Variants in SPATA21 observed in about 807,000 individuals in gnomAD.
SPATA21 encodes spermatogenesis-associated protein 21.
Under a neutral mutation model 54.8 loss-of-function variants are expected in SPATA21, and 47 were observed. That is an observed-to-expected ratio of 0.86 (90% CI 0.68 to 1.09). The LOEUF is 1.09. Ranked by LOEUF, SPATA21 falls within the 50% of genes least tolerant of loss-of-function variation. SPATA21 has a pLI of 0.00. For missense variants in SPATA21, 599 were observed against 596.4 expected, an observed-to-expected ratio of 1.00 and a Z score of -0.05; for synonymous variants, 245 against 235.3, an observed-to-expected ratio of 1.04 and a Z score of -0.38.
intron 5 of SPATA21, among the ~76,000 whole-genome samples, chr1:16,417,695 AAAGTGCTGGGAT>A (rs1484976126): frequency 1.3e-5 from 2 of 151,944 alleles, no homozygotes; most frequent in Non-Finnish European, 2.9e-5. Context: ...TCGGCCTCCC[AAAGTGCTGGGAT>A]TACAGGCATG....
chr1:16,424,124 C>T (rs1474045116), intron 3 of SPATA21, among the ~76,000 whole-genome samples: 1 of 149,766 alleles, frequency 6.7e-6, no homozygotes, highest in Admixed American at 6.8e-5. Flanking sequence ...CAAGTGAATG[C>T]CAATTATACC....
At chr1:16,423,802 C>G (rs1341653509) in intron 3 of SPATA21, among the ~76,000 whole-genome samples, 5 of 152,078 alleles carry the variant, frequency 3.3e-5, no homozygotes, top group Admixed American at 2.0e-4. Flanking sequence ...CCTCAGCCTC[C>G]CAGAGTGCTG....
rs757719873 is a variant in SPATA21 at position 16,403,778 on chromosome 1, A to T, written c.950T>A (p.Leu317Gln). Residue 317 changes from leucine (L) to glutamine (Q), a missense_variant, in exon 10 of 13, where the codon CTG (leucine) becomes CAG (glutamine). Coordinates refer to ENST00000335496, the MANE Select transcript of SPATA21 (RefSeq NM_198546.1). ...TGGTAAGGCCAGCATCTCTACCAGCAGGGACAGGATCTCAAAGAGTAGAGT... is the reference window on the plus strand; with the variant it reads ...TGGTAAGGCCAGCATCTCTACCAGCTGGGACAGGATCTCAAAGAGTAGAGT... ...PHTLLFEILS[L>Q]LVEMLALPEA... 1 of 1,613,850 alleles carries T rather than the reference A, an allele frequency of 6.2e-7. No individual in the cohort carries two copies.
intron 3 of SPATA21, among the ~76,000 whole-genome samples, chr1:16,425,898 G>A (rs2086305714): frequency 1.3e-5 from 2 of 151,998 alleles, no homozygotes; most frequent in Admixed American, 1.3e-4. Flanking sequence ...CAATGTTTGG[G>A]GGAGTTAAAA....
rs1032041635 is a variant in SPATA21 at position 16,427,767 on chromosome 1, C to G, written c.34+3571G>C. 2.9e-6 allele frequency: 4 copies of G among 1,383,816 alleles called. No homozygotes were observed. The African/African-American group carries it at 5.8e-5, about 20-fold the overall frequency. 85.7% of individuals were successfully genotyped at this position (1,383,816 alleles called of 1,614,324 possible). On this transcript the variant is annotated intron_variant, in intron 3 of 12. Coordinates refer to ENST00000335496, the MANE Select transcript of SPATA21 (RefSeq NM_198546.1). ...AAGGTGCTGTCGTGGGTGGAGCTGCCTTGGCCTGGGAGTTCTCCATTCTCT... is the reference window on the plus strand; with the variant it reads ...AAGGTGCTGTCGTGGGTGGAGCTGCGTTGGCCTGGGAGTTCTCCATTCTCT...
chr1:16,431,704 A>G (rs1436198288), intron 2 of SPATA21, among the ~76,000 whole-genome samples: 1 of 152,182 alleles, frequency 6.6e-6, no homozygotes, highest in Admixed American at 6.5e-5. Context: ...GATTTGAACC[A>G]TGGCCTGTTG....
intron 5 of SPATA21, among the ~76,000 whole-genome samples, chr1:16,419,255 G>A (rs1371115336): frequency 1.3e-5 from 2 of 152,140 alleles, no homozygotes; most frequent in Non-Finnish European, 2.9e-5. Flanking sequence ...AAGGCCCTGG[G>A]GTGAGACTAG....
At chr1:16,427,750 G>A in intron 3 of SPATA21, 3 of 1,154,482 alleles carry the variant, frequency 2.6e-6, no homozygotes, top group Non-Finnish European at 3.6e-6. Flanking sequence ...ACAAGGTGCT[G>A]TCGTGGGTGG....
intron 1 of SPATA21, among the ~76,000 whole-genome samples, chr1:16,435,464 G>A (rs2086562956): frequency 6.6e-6 from 1 of 151,828 alleles, no homozygotes; most frequent in Non-Finnish European, 1.5e-5. Flanking sequence ...TTACAGGTGT[G>A]TGCCACCACA....
At position 16,398,712 on chromosome 1, in the gene SPATA21, G is replaced by T; in HGVS notation, c.*53C>A. 6.3e-7 allele frequency: 1 copy of T among 1,597,058 alleles called. No homozygotes were observed. Among genetic ancestry groups the T allele is most frequent in the Non-Finnish European group, 8.6e-7 (1 of 1,164,824 alleles). On this transcript the variant is annotated 3_prime_UTR_variant, in exon 13 of 13. Transcript: ENST00000335496. The stretch of plus-strand genomic sequence containing the variant: ...TCCCAGCAGCAGCTCCTGCCTGGTG[G>T]CCCATCTGTCTACAGGCCTTGAGCA...
At chr1:16,423,855 A>T (rs1348608881) in intron 3 of SPATA21, among the ~76,000 whole-genome samples, 1 of 152,032 alleles carries the variant, frequency 6.6e-6, no homozygotes, top group Non-Finnish European at 1.5e-5. Context: ...GATGAATCTC[A>T]AATAGTCATG....
rs191483054 is a variant in SPATA21 at position 16,398,724 on chromosome 1, A to C, written c.*41T>G. On this transcript the variant is annotated 3_prime_UTR_variant, in exon 13 of 13. Coordinates refer to ENST00000335496, the MANE Select transcript of SPATA21 (RefSeq NM_198546.1). ...CTCCTGCCTGGTGGCCCATCTGTCT[A>C]CAGGCCTTGAGCAGCTGCCTAGAGT... is the stretch of plus-strand genomic sequence containing the variant. 6.2e-7 allele frequency: 1 copy of C among 1,611,870 alleles called. No individual in the cohort carries two copies. Among genetic ancestry groups the C allele is most frequent in the African/African-American group, 1.3e-5 (1 of 75,006 alleles).
At chr1:16,403,916 AC>A in intron 9 of SPATA21, 51 bp downstream of exon 9, 1 of 1,612,260 alleles carries the variant, frequency 6.2e-7, no homozygotes, top group Non-Finnish European at 8.5e-7. Context: ...CCCGCAACCA[AC>A]CTCCCAGCCC....
At position 16,414,761 on chromosome 1, in the gene SPATA21, G is replaced by A. The variant is rs1453245085; in HGVS notation, c.145-4718C>T. Among the ~76,000 whole-genome samples, 7 of 151,844 alleles carry A rather than the reference G, an allele frequency of 4.6e-5. 1 individual carries two copies. The highest frequency in any genetic ancestry group is 1.9e-4 in the East Asian group (1 of 5,136). ...AATACAAAATTAGCTGGGGTTGTTC[G>A]CATGCCTGTAATCCCAGCTACTCGG... On this transcript the variant is annotated intron_variant, in intron 5 of 12. Transcript: ENST00000335496.
chr1:16,410,107 C>T, intron 5 of SPATA21, 64 bp from the exon 6 acceptor site: 1 of 1,300,852 alleles, frequency 7.7e-7, no homozygotes, highest in South Asian at 1.4e-5. Flanking sequence ...AAATCTCCTC[C>T]CTGCCATCCC....
intron 1 of SPATA21, among the ~76,000 whole-genome samples, chr1:16,434,259 A>T (rs1225016719): frequency 1.3e-5 from 2 of 151,678 alleles, no homozygotes; most frequent in African/African-American, 4.8e-5. Context: ...TCATCAGTAG[A>T]TAGAAATTGA....
rs371609702 is a variant in SPATA21, at chr1:16,421,993, G to A, written c.35-22C>T. On this transcript the variant is annotated intron_variant, in intron 3 of 12. Coordinates refer to ENST00000335496, the MANE Select transcript of SPATA21 (RefSeq NM_198546.1). This position sits in a 1 kb window ranked among gnomAD's most constrained non-coding sequence, Gnocchi z 5.2. ...TCCTCTGGAGCCACGACGGACATTG[G>A]GGGCATTGCTTCCTGAGAGCTGTCC... 3 of 1,614,078 alleles carry A rather than the reference G, an allele frequency of 1.9e-6. No individual in the cohort carries two copies. Among genetic ancestry groups the A allele is most frequent in the Non-Finnish European group, 2.5e-6 (3 of 1,180,038 alleles).
intron 10 of SPATA21, among the ~76,000 whole-genome samples, chr1:16,401,615 C>T (rs1219197243): frequency 4.6e-5 from 7 of 152,144 alleles, no homozygotes; most frequent in Non-Finnish European, 8.8e-5. Flanking sequence ...ATGATTTTAT[C>T]ACTGATACAT....
intron 1 of SPATA21, among the ~76,000 whole-genome samples, chr1:16,433,610 T>G (rs1330492676): frequency 6.6e-6 from 1 of 152,182 alleles, no homozygotes; most frequent in Non-Finnish European, 1.5e-5. Context: ...GCCTTGGAAT[T>G]GTCAGGCCCC....
Sources: allele counts gnomAD v4.1 joint callset (sites outside exome capture counted in the v4.1 genomes callset), GRCh38; gene constraint gnomAD v4.1.1; non-coding constraint Gnocchi (gnomAD v3.1); transcripts MANE v1.5; gene names NCBI Gene and HGNC (gene_info 2026-07-23, HGNC 2026-07-21).